Variants in NDRG3 observed in about 807,000 individuals in gnomAD.
NDRG3 encodes protein NDRG3.
Under a neutral mutation model 57.2 loss-of-function variants are expected in NDRG3, and 23 were observed. The ratio of observed to expected loss-of-function variants is 0.40; its 90% CI spans 0.29 to 0.57. The LOEUF (loss-of-function observed/expected upper bound fraction) is 0.57. Ranked by LOEUF, NDRG3 falls within the 20% of genes least tolerant of loss-of-function variation. The probability of loss-of-function intolerance (pLI) is 0.42; values close to 1 mark genes in which losing one functional copy is unlikely to be tolerated. For synonymous variants in NDRG3, 132 were observed against 162.6 expected (o/e 0.81, Z 1.43); for missense variants, 384 against 457.3 (o/e 0.84, Z 1.46).
chr20:36,669,959 C>A (rs1980004577), intron 9 of NDRG3, among the ~76,000 whole-genome samples: 1 of 152,158 alleles, frequency 6.6e-6, no homozygotes, highest in Admixed American at 6.5e-5. Flanking sequence ...AAAGAATGAA[C>A]TACTGACACA....
At chr20:36,713,587 T>C (rs73105189) in intron 2 of NDRG3, among the ~76,000 whole-genome samples, 1,556 of 152,184 alleles carry the variant, frequency 0.01, 10 homozygotes, top group Middle Eastern at 0.037. Context: ...AAAGATGAGA[T>C]AGTTGAAAGA....
In NDRG3 at chr20:36,673,645, C is replaced by A. The variant is rs534437182; in HGVS notation, c.532-2248G>T. Among the ~76,000 whole-genome samples the A allele has an allele frequency of 1.6e-4, 24 of 152,160 alleles. No individual in the cohort carries two copies. In the South Asian group the frequency reaches 4.8e-3, roughly 30 times the overall value. On this transcript the variant is annotated intron_variant, in intron 8 of 15. Coordinates refer to ENST00000349004, the MANE Select transcript of NDRG3 (RefSeq NM_032013.4). ...GCCAGGCCGGTCTTGAACTCCTGAC[C>A]TCAAGTGATCCGCCCACTTTAATGA...
intron 1 of NDRG3, among the ~76,000 whole-genome samples, chr20:36,728,638 C>T (rs1054055424): frequency 3.3e-5 from 5 of 152,128 alleles, no homozygotes; most frequent in South Asian, 2.1e-4. Context: ...GATGCTTAAA[C>T]GCTAGTAAGT....
intron 8 of NDRG3, among the ~76,000 whole-genome samples, chr20:36,676,236 C>G (rs2148074323): frequency 6.6e-6 from 1 of 151,310 alleles, no homozygotes; most frequent in African/African-American, 2.4e-5. Flanking sequence ...CGAGATCCGT[C>G]TCAAAAAAAA....
chr20:36,685,597 C>T (rs1981714054), intron 5 of NDRG3, among the ~76,000 whole-genome samples: 3 of 152,132 alleles, frequency 2.0e-5, no homozygotes, highest in South Asian at 2.1e-4. Context: ...AGGTGTGAGC[C>T]ACTGTGTCTG....
chr20:36,660,132 C>G (rs960134690), intron 13 of NDRG3, among the ~76,000 whole-genome samples: 1 of 151,796 alleles, frequency 6.6e-6, no homozygotes, highest in Admixed American at 6.6e-5. Context: ...TGCTTGAACC[C>G]GAGAGGTGGA....
chr20:36,732,786 A>C (rs1339141318), intron 1 of NDRG3, among the ~76,000 whole-genome samples: 1 of 152,062 alleles, frequency 6.6e-6, no homozygotes, highest in African/African-American at 2.4e-5. Flanking sequence ...TGAGGGTCTC[A>C]GCTTGTATCT....
At chr20:36,739,504 CCT>C (rs1985808801) in intron 1 of NDRG3, among the ~76,000 whole-genome samples, 1 of 147,132 alleles carries the variant, frequency 6.8e-6, no homozygotes, top group Admixed American at 6.8e-5. Context: ...GAAAATTCAG[CCT>C]TAAAAATATA....
chr20:36,711,813 T>C (rs1247868091), intron 2 of NDRG3, among the ~76,000 whole-genome samples: 5 of 152,176 alleles, frequency 3.3e-5, no homozygotes, highest in East Asian at 3.9e-4. Context: ...GAGTCTCGCT[T>C]TGTCGCCCAG....
At chr20:36,703,401 A>T (rs1003275721) in intron 3 of NDRG3, among the ~76,000 whole-genome samples, 1 of 149,940 alleles carries the variant, frequency 6.7e-6, no homozygotes, top group Non-Finnish European at 1.5e-5. Flanking sequence ...CTCGTCTCTA[A>T]ATATATATAT....
At chr20:36,730,788 C>T (rs1162543465) in intron 1 of NDRG3, among the ~76,000 whole-genome samples, 2 of 151,370 alleles carry the variant, frequency 1.3e-5, no homozygotes, top group Non-Finnish European at 2.9e-5. Context: ...TCACTATTAA[C>T]CAAACAAAAA....
At chr20:36,684,704 C>T (rs1188486390) in intron 5 of NDRG3, among the ~76,000 whole-genome samples, 1 of 152,064 alleles carries the variant, frequency 6.6e-6, no homozygotes, top group African/African-American at 2.4e-5. Context: ...ACAAAATTAG[C>T]TGGGTGTGGT....
At chr20:36,741,749 C>T (rs923787019) in intron 1 of NDRG3, among the ~76,000 whole-genome samples, 11 of 152,178 alleles carry the variant, frequency 7.2e-5, no homozygotes, top group Non-Finnish European at 1.5e-4. Context: ...AAGTGTGATC[C>T]TTAGACCAGC....
chr20:36,671,801 CAAA>C (rs1182073175), intron 8 of NDRG3, among the ~76,000 whole-genome samples: 1 of 57,520 alleles, frequency 1.7e-5, no homozygotes, highest in Non-Finnish European at 3.7e-5. Flanking sequence ...GACTCCGTCT[CAAA>C]AAAAAAAAAA....
chr20:36,674,036 A>G (rs1980420404), intron 8 of NDRG3, among the ~76,000 whole-genome samples: 1 of 152,000 alleles, frequency 6.6e-6, no homozygotes, highest in Non-Finnish European at 1.5e-5. Flanking sequence ...CCTGGGAGAT[A>G]GAGGTTGCAG....
At position 36,686,659 on chromosome 20, in the gene NDRG3, T is replaced by C. The variant is rs371997970; in HGVS notation, c.320+833A>G. 5.9e-5 allele frequency among the ~76,000 whole-genome samples: 9 copies of C among 152,236 alleles called. No individual in the cohort carries two copies. In the East Asian group the frequency reaches 9.6e-4, roughly 16 times the overall value. ...CTATGACTCTGCCCTGCGAAGCAGA[T>C]GTAGGAGGAAGCTGAGAGTGCCAAA... is the stretch of plus-strand genomic sequence containing the variant. On this transcript the variant is annotated intron_variant, in intron 5 of 15. Coordinates refer to ENST00000349004, the MANE Select transcript of NDRG3 (RefSeq NM_032013.4).
intron 5 of NDRG3, among the ~76,000 whole-genome samples, chr20:36,685,047 C>A (rs139121784): frequency 6.6e-6 from 1 of 152,186 alleles, no homozygotes. Context: ...ATGAAAAGAA[C>A]TAGTAACATG....
intron 1 of NDRG3, among the ~76,000 whole-genome samples, chr20:36,722,765 T>A (rs1276791181): frequency 6.6e-6 from 1 of 152,232 alleles, no homozygotes; most frequent in Non-Finnish European, 1.5e-5. Context: ...TGACTCCTGA[T>A]ATTCATTCAC....
chr20:36,654,740 G>T lies in NDRG3; in HGVS notation c.947-1039C>A, dbSNP rs921105386. 6 of 778,404 alleles carry T rather than the reference G, an allele frequency of 7.7e-6. No individual in the cohort carries two copies. The Admixed American group carries it at 8.5e-5, about 11-fold the overall frequency. The allele number at this position is 778,404 out of a possible 1,614,324, so 48.2% of individuals were successfully genotyped here. On this transcript the variant is annotated intron_variant, in intron 15 of 15. Transcript: ENST00000349004. Reference sequence around the variant, plus strand: ...ATAGGAAGACCGCGGACATGCTGCAGGCAGCCAGTGCAGCCAGGAGAGACT... The same window carrying T: ...ATAGGAAGACCGCGGACATGCTGCATGCAGCCAGTGCAGCCAGGAGAGACT...
Sources: allele counts gnomAD v4.1 joint callset (sites outside exome capture counted in the v4.1 genomes callset), GRCh38; gene constraint gnomAD v4.1.1; transcripts MANE v1.5; gene names NCBI Gene and HGNC (gene_info 2026-07-23, HGNC 2026-07-21).